Variants in BRCA2 observed in about 807,000 individuals in gnomAD.
BRCA2 encodes BRCA2 DNA repair associated.
Under a neutral mutation model 276.7 loss-of-function variants are expected in BRCA2, and 203 were observed. The ratio of observed to expected loss-of-function variants is 0.73; its 90% CI spans 0.65 to 0.82. The LOEUF (loss-of-function observed/expected upper bound fraction) is 0.82, where lower values mean the gene tolerates loss of function less well. Ranked by LOEUF, BRCA2 falls within the 40% of genes least tolerant of loss-of-function variation. The pLI is 0.00. For synonymous variants in BRCA2, 1,289 were observed against 1,338.4 expected, an observed-to-expected ratio of 0.96 and a Z score of 0.81; for missense variants, 3,920 against 3,915.0, an observed-to-expected ratio of 1.00 and a Z score of -0.03.
chr13:32,325,169 C>G lies in BRCA2; in HGVS notation c.410C>G (p.Ser137Cys), dbSNP rs2137446947. The G allele has an allele frequency of 6.3e-7, 1 of 1,587,994 alleles. No individual in the cohort carries two copies. The highest frequency in any genetic ancestry group is 8.6e-7 in the Non-Finnish European group (1 of 1,156,876). The change falls in exon 4 of 27, where the codon TCT becomes TGT. Residue 137 changes from serine (S) to cysteine (C), a missense_variant. By Grantham distance (112) the Ser-to-Cys change is moderately radical. This residue lies in a region of BRCA2 where 3,263 missense variants were observed against 3,156.9 expected (regional missense o/e 1.03). Coordinates refer to ENST00000380152, the MANE Select transcript of BRCA2 (RefSeq NM_000059.4). ...GATGTTTCCTGTCCACTTCTAAATT[C>G]TTGTCTTAGTGAAAGGTATGATGAA... ...ADDVSCPLLNSCLSESPVVLQ... is the reference protein window; with the variant it reads ...ADDVSCPLLNCCLSESPVVLQ...
rs876658487 is a variant in BRCA2, at chr13:32,370,500, T to C, written c.8430T>C (p.Ser2810=). The change falls in exon 19 of 27, where the codon AGT becomes AGC. Residue 2810 remains serine (S), a synonymous_variant. Transcript: ENST00000380152. ...PFPLPLSSLF[S]DGGNVGCVDV... is the part of the protein sequence containing the mutation. ...CTCTGCCCTTATCATCGCTTTTCAG[T>C]GATGGAGGAAATGTTGGTTGTGTTG... 3.1e-6 allele frequency: 5 copies of C among 1,613,706 alleles called. No individual in the cohort carries two copies. The highest frequency in any genetic ancestry group is 4.2e-6 in the Non-Finnish European group (5 of 1,179,576).
In BRCA2 at chr13:32,354,920, TTC is replaced by T. The variant is rs80359636; in HGVS notation, c.7069_7070del (p.Leu2357ValfsTer2). ...AATTTTACCGCACCTGGTCAAGAATTTCTGTCTAAATCTCATTTGTATGAACA... is the reference window on the plus strand; with the variant it reads ...AATTTTACCGCACCTGGTCAAGAATTTGTCTAAATCTCATTTGTATGAACA... On this transcript the variant is annotated frameshift_variant, in exon 14 of 27. Coordinates refer to ENST00000380152, the MANE Select transcript of BRCA2 (RefSeq NM_000059.4). LOFTEE classifies it high-confidence loss of function. The T allele has an allele frequency of 2.9e-5, 46 of 1,613,738 alleles. No individual in the cohort carries two copies. Among genetic ancestry groups the T allele is most frequent in the Non-Finnish European group, 3.9e-5 (46 of 1,179,910 alleles).
At chr13:32,316,646 G>T in intron 2 of BRCA2, 119 bp downstream of exon 2, 1 of 861,454 alleles carries the variant, frequency 1.2e-6, no homozygotes, top group Non-Finnish European at 1.9e-6. Context: ...TTCCTTATGT[G>T]TGTATAAATC....
intron 8 of BRCA2, 55 bp downstream of exon 8, chr13:32,329,547 C>T: frequency 7.5e-7 from 1 of 1,340,254 alleles, no homozygotes. Context: ...TTTTGGAATG[C>T]CTTGTTAAAT....
rs80358904 is a variant in BRCA2 at position 32,341,140 on chromosome 13, T to G, written c.6785T>G (p.Met2262Arg). ...SLFTCPENEE[M>R]VLSNSRIGKR... The stretch of plus-strand genomic sequence containing the variant: ...TTTACATGTCCCGAAAATGAGGAAA[T>G]GGTTTTGTCAAATTCAAGAATTGGA... The change falls in exon 11 of 27, where the codon ATG (methionine) becomes AGG (arginine). Residue 2262 changes from methionine to arginine, a missense_variant. Coordinates refer to ENST00000380152, the MANE Select transcript of BRCA2 (RefSeq NM_000059.4). The G allele has an allele frequency of 1.5e-5, 24 of 1,613,830 alleles. No individual in the cohort carries two copies. The highest frequency in any genetic ancestry group is 1.6e-5 in the Non-Finnish European group (19 of 1,179,920).
At position 32,337,453 on chromosome 13, in the gene BRCA2, A is replaced by G. The variant is rs141702094; in HGVS notation, c.3098A>G (p.Asp1033Gly). The G allele has an allele frequency of 1.2e-6, 2 of 1,612,352 alleles. No individual in the cohort carries two copies. Among genetic ancestry groups the G allele is most frequent in the Non-Finnish European group, 1.7e-6 (2 of 1,178,860 alleles). Residue 1033 changes from aspartate to glycine, a missense_variant, in exon 11 of 27, where the codon GAT becomes GGT. By Grantham distance (94) the Asp-to-Gly change is moderately conservative. This residue lies in a region of BRCA2 where 3,263 missense variants were observed against 3,156.9 expected (regional missense o/e 1.03). Transcript: ENST00000380152. ...AAGAAGAGCAAAATGTTCTTCAAAGATATTGAAGAACAATATCCTACTAGT... is the reference window on the plus strand; with the variant it reads ...AAGAAGAGCAAAATGTTCTTCAAAGGTATTGAAGAACAATATCCTACTAGT... ...NIKKSKMFFK[D>G]IEEQYPTSLA...
chr13:32,358,996 C>T (rs1417865840), intron 16 of BRCA2, among the ~76,000 whole-genome samples: 2 of 151,628 alleles, frequency 1.3e-5, no homozygotes, highest in African/African-American at 2.4e-5. Flanking sequence ...TTGAGGTGGG[C>T]AGATCACCTG....
chr13:32,348,635 C>G (rs1192543347), intron 13 of BRCA2, among the ~76,000 whole-genome samples: 1 of 152,054 alleles, frequency 6.6e-6, no homozygotes, highest in Non-Finnish European at 1.5e-5. Flanking sequence ...ATGTGAAGTA[C>G]TAAAAGATCT....
In BRCA2 at chr13:32,336,875, G is replaced by A. The variant is rs1566226868; in HGVS notation, c.2520G>A (p.Met840Ile). ...AGCTGTTGCCACCTGAAAAATACAT[G>A]AGAGTAGCATCACCTTCAAGAAAGG... Reference protein sequence around the residue: ...NVELLPPEKYMRVASPSRKVQ... With the variant: ...NVELLPPEKYIRVASPSRKVQ... The change falls in exon 11 of 27, where the codon ATG becomes ATA. Residue 840 changes from methionine (M) to isoleucine (I), a missense_variant. This residue lies in a region of BRCA2 where 3,263 missense variants were observed against 3,156.9 expected (regional missense o/e 1.03). Transcript: ENST00000380152. 6.2e-7 allele frequency: 1 copy of A among 1,610,610 alleles called. No homozygotes were observed. Among genetic ancestry groups the A allele is most frequent in the Non-Finnish European group, 8.5e-7 (1 of 1,179,230 alleles).
rs80358414 is a variant in BRCA2 at position 32,332,689 on chromosome 13, A to G, written c.1211A>G (p.Asn404Ser). The G allele has an allele frequency of 1.2e-6, 2 of 1,613,914 alleles. No individual in the cohort carries two copies. The highest frequency in any genetic ancestry group is 4.5e-5 in the East Asian group (2 of 44,872). Reference protein sequence around the residue: ...EWSQLTLSGLNGAQMEKIPLL... With the variant: ...EWSQLTLSGLSGAQMEKIPLL... Reference sequence around the variant, plus strand: ...TCTCAACTAACCCTTTCAGGTCTAAATGGAGCCCAGATGGAGAAAATACCC... The same window carrying G: ...TCTCAACTAACCCTTTCAGGTCTAAGTGGAGCCCAGATGGAGAAAATACCC... Residue 404 changes from asparagine to serine, a missense_variant, in exon 10 of 27, where the codon AAT becomes AGT. This residue lies in a region of BRCA2 where 3,263 missense variants were observed against 3,156.9 expected (regional missense o/e 1.03). Coordinates refer to ENST00000380152, the MANE Select transcript of BRCA2 (RefSeq NM_000059.4).
intron 2 of BRCA2, among the ~76,000 whole-genome samples, chr13:32,317,175 G>A (rs2138700072): frequency 6.6e-6 from 1 of 152,138 alleles, no homozygotes; most frequent in South Asian, 2.1e-4. Flanking sequence ...CTCTAGCCTG[G>A]GCCACATAGC....
chr13:32,379,487 A>G lies in BRCA2; in HGVS notation c.8925A>G (p.Val2975=), dbSNP rs1593936932. Residue 2975 remains valine (V), a synonymous_variant, in exon 22 of 27, where the codon GTA becomes GTG. Coordinates refer to ENST00000380152, the MANE Select transcript of BRCA2 (RefSeq NM_000059.4). ...CAACCGTGTGGAAGTTGCGTATTGT[A>G]AGCTATTCAAAAAAAGAAAAAGATT... ...DVTTVWKLRI[V]SYSKKEKDSV... 1 of 1,613,184 alleles carries G rather than the reference A, an allele frequency of 6.2e-7. No individual in the cohort carries two copies. The highest frequency in any genetic ancestry group is 1.1e-5 in the South Asian group (1 of 90,818).
At chr13:32,382,691 G>A (rs1026848371) in intron 24 of BRCA2, among the ~76,000 whole-genome samples, 4 of 152,198 alleles carry the variant, frequency 2.6e-5, no homozygotes, top group Non-Finnish European at 5.9e-5. Context: ...AAATGAATCA[G>A]TAGCCAGAAG....
chr13:32,370,377 T>G, intron 18 of BRCA2, 25 bp from the exon 19 acceptor site: 2 of 1,601,988 alleles, frequency 1.2e-6, no homozygotes, highest in Non-Finnish European at 8.6e-7. Flanking sequence ...AACTACTAAA[T>G]CAATATATTT....
At chr13:32,394,162 G>A (rs1485706449) in intron 24 of BRCA2, among the ~76,000 whole-genome samples, 1 of 152,050 alleles carries the variant, frequency 6.6e-6, no homozygotes, top group African/African-American at 2.4e-5. Flanking sequence ...CCATTGTTTG[G>A]ATGTACCACA....
At chr13:32,317,711 G>C (rs2138700898) in intron 2 of BRCA2, among the ~76,000 whole-genome samples, 1 of 152,300 alleles carries the variant, frequency 6.6e-6, no homozygotes, top group South Asian at 2.1e-4. Flanking sequence ...GTAGAAATGA[G>C]CCACTGGAAA....
chr13:32,342,383 G>T (rs1482899031), intron 11 of BRCA2, among the ~76,000 whole-genome samples: 1 of 151,980 alleles, frequency 6.6e-6, no homozygotes, highest in Non-Finnish European at 1.5e-5. Flanking sequence ...TTTAGGAAGT[G>T]ATCTAAAAAC....
In BRCA2 at chr13:32,346,913, T is replaced by G. The variant is rs1442398717; in HGVS notation, c.7007+17T>G. ...ACCCTTTCGGTAAGACATGTTTAAA[T>G]TTTTCTAAATTCTAATACAGTATGA... is the stretch of plus-strand genomic sequence containing the variant. On this transcript the variant is annotated intron_variant, in intron 13 of 26. Transcript: ENST00000380152. 1 of 1,586,870 alleles carries G rather than the reference T, an allele frequency of 6.3e-7. No individual in the cohort carries two copies. Among genetic ancestry groups the G allele is most frequent in the Non-Finnish European group, 8.6e-7 (1 of 1,159,990 alleles).
At chr13:32,364,303 C>T (rs1364036620) in intron 18 of BRCA2, among the ~76,000 whole-genome samples, 1 of 151,662 alleles carries the variant, frequency 6.6e-6, no homozygotes, top group African/African-American at 2.4e-5. Context: ...AGACATATAA[C>T]CAAAAAAAAG....
Sources: allele counts gnomAD v4.1 joint callset (sites outside exome capture counted in the v4.1 genomes callset), GRCh38; gene constraint gnomAD v4.1.1; regional missense constraint gnomAD v4.1.1; transcripts MANE v1.5; gene names NCBI Gene and HGNC (gene_info 2026-07-23, HGNC 2026-07-21).